The following SHANK2 variants were observed in gnomAD, a reference collection of about 807,000 sequenced individuals.
SHANK2 encodes SH3 and multiple ankyrin repeat domains 2.
Under a neutral mutation model 133.7 loss-of-function variants are expected in SHANK2, and 43 were observed. The observed-to-expected ratio is 0.32, with a 90% CI of 0.25 to 0.41. The LOEUF is 0.41. Among genes scored for constraint, SHANK2 ranks in the 10% least tolerant of loss-of-function variants. SHANK2 has a pLI of 1.00. For synonymous variants in SHANK2, 1,017 were observed against 952.8 expected (o/e 1.07, Z -1.24); for missense variants, 1,994 against 2,235.8 (o/e 0.89, Z 2.18).
At chr11:70,926,067 G>GT (rs1462644179) in intron 10 of SHANK2, among the ~76,000 whole-genome samples, 2 of 152,082 alleles carry the variant, frequency 1.3e-5, no homozygotes, top group Non-Finnish European at 2.9e-5. Context: ...GAACCCAGGA[G>GT]TTTGAGACCA....
At position 70,805,016 on chromosome 11, in the gene SHANK2, G is replaced by A. The variant is rs2010943; in HGVS notation, c.1663+1986C>T. Among the ~76,000 whole-genome samples, 1,374 of 152,326 alleles carry A rather than the reference G, an allele frequency of 9.0e-3. 14 individuals are homozygous for A. Among genetic ancestry groups the A allele is most frequent in the African/African-American group, 0.031 (1,297 of 41,566 alleles). On this transcript the variant is annotated intron_variant, in intron 13 of 25. Transcript: ENST00000601538. ...TGCCAAGTTCACAGCATGGGAGCCTGTCTGCAGCTCTGCCCCTCTCGGAGC... is the reference window on the plus strand; with the variant it reads ...TGCCAAGTTCACAGCATGGGAGCCTATCTGCAGCTCTGCCCCTCTCGGAGC...
At chr11:70,612,065 C>T (rs977330594) in intron 17 of SHANK2, among the ~76,000 whole-genome samples, 9 of 152,090 alleles carry the variant, frequency 5.9e-5, no homozygotes, top group Admixed American at 2.0e-4. Context: ...GGCGTCCGGG[C>T]GTGACACAGG....
At chr11:70,944,393 C>T (rs1555084997) in intron 10 of SHANK2, among the ~76,000 whole-genome samples, 1 of 152,214 alleles carries the variant, frequency 6.6e-6, no homozygotes, top group Non-Finnish European at 1.5e-5. Flanking sequence ...TCCCCTGGCT[C>T]ACTCCCTCTC....
At chr11:71,241,583 C>A (rs568785288) in intron 1 of SHANK2, among the ~76,000 whole-genome samples, 2 of 152,250 alleles carry the variant, frequency 1.3e-5, no homozygotes, top group African/African-American at 2.4e-5. Context: ...CACTCTCCCC[C>A]CTGCTACTGT....
intron 11 of SHANK2, among the ~76,000 whole-genome samples, chr11:70,857,080 G>A (rs782627290): frequency 5.9e-5 from 9 of 152,240 alleles, no homozygotes; most frequent in Non-Finnish European, 1.0e-4. Context: ...GAGGGATTAA[G>A]CAAACATTTC....
chr11:70,691,863 C>T (rs1945295940), intron 15 of SHANK2, among the ~76,000 whole-genome samples: 1 of 152,100 alleles, frequency 6.6e-6, no homozygotes, highest in African/African-American at 2.4e-5. Context: ...CATTGCACTC[C>T]AGCCTGGGCA....
intron 15 of SHANK2, 74 bp downstream of exon 15, chr11:70,698,614 T>C (rs1272253762): frequency 1.4e-6 from 1 of 717,230 alleles, no homozygotes; most frequent in East Asian, 2.7e-5. Context: ...GCATGCAAGA[T>C]GGTCCAAAGC....
intron 17 of SHANK2, among the ~76,000 whole-genome samples, chr11:70,525,534 G>A (rs2059384566): frequency 6.6e-6 from 1 of 152,098 alleles, no homozygotes; most frequent in South Asian, 2.1e-4. Context: ...AGAGAAAAGG[G>A]CATTTGGAAA....
chr11:70,564,683 CT>C (rs202232477), intron 17 of SHANK2, among the ~76,000 whole-genome samples: 3 of 151,372 alleles, frequency 2.0e-5, no homozygotes, highest in Non-Finnish European at 4.4e-5. Context: ...AAAAAGAATT[CT>C]TTTTTTTTCT....
Position 70,468,986 on chromosome 11 carries a change from C to G in SHANK2, c.*3883G>C, listed in dbSNP as rs2058565653. 6.6e-6 allele frequency: 1 copy of G among 152,272 alleles called. No individual in the cohort carries two copies. The highest frequency in any genetic ancestry group is 2.4e-5 in the African/African-American group (1 of 41,460). The allele number at this position is 152,272 out of a possible 1,614,324, so 9.4% of individuals were successfully genotyped here. A position where few individuals can be genotyped will look rare whatever the true frequency, so the allele number is the denominator to read the frequency against. ...CCTTAGCATGTGGTTTGCTTGTCAA[C>G]CAGAGAGGCGGCCCAGTTCTGCCAC... is the stretch of plus-strand genomic sequence containing the variant. On this transcript the variant is annotated 3_prime_UTR_variant, in exon 26 of 26. Coordinates refer to ENST00000601538, the MANE Select transcript of SHANK2 (RefSeq NM_012309.5).
intron 8 of SHANK2, among the ~76,000 whole-genome samples, chr11:71,076,252 G>T (rs1420386393): frequency 6.6e-6 from 1 of 152,126 alleles, no homozygotes; most frequent in Non-Finnish European, 1.5e-5. Context: ...TCCCAGGGTC[G>T]GGAGGGAAAG....
intron 17 of SHANK2, among the ~76,000 whole-genome samples, chr11:70,588,409 T>C (rs1554987306): frequency 6.6e-6 from 1 of 152,220 alleles, no homozygotes; most frequent in Non-Finnish European, 1.5e-5. Flanking sequence ...TTAGCCAAGC[T>C]GTGAATACAA....
At chr11:71,064,020 C>T (rs909057227) in intron 9 of SHANK2, among the ~76,000 whole-genome samples, 5 of 151,692 alleles carry the variant, frequency 3.3e-5, no homozygotes, top group Non-Finnish European at 7.4e-5. Flanking sequence ...CCATCATTTC[C>T]ATTTACATAT....
At chr11:70,507,657 G>C (rs1554968634) in intron 17 of SHANK2, among the ~76,000 whole-genome samples, 1 of 152,172 alleles carries the variant, frequency 6.6e-6, no homozygotes. Context: ...TGCAGGCCCA[G>C]TGGACAGACA....
rs569466691 is a variant in SHANK2 at position 70,821,169 on chromosome 11, G to T, written c.1175-487C>A. ...CAGTTTTCAAAATGTGCCAATATTT[G>T]CAGGTAAGGTCTTTACAGAGATCAT... On this transcript the variant is annotated intron_variant, in intron 11 of 25. Transcript: ENST00000601538. Among the ~76,000 whole-genome samples, 3 of 152,292 alleles carry T rather than the reference G, an allele frequency of 2.0e-5. No homozygotes were observed. In the South Asian group the frequency reaches 6.2e-4, roughly 32 times the overall value.
In SHANK2 at chr11:70,473,589, A is replaced by G. The variant is rs1437981249; in HGVS notation, c.4980-150T>C. ...ACTGGCAGTGAACGAATGATTTGCC[A>G]TGCCAGGGTGGGGGAGGGGGAGAAA... On this transcript the variant is annotated intron_variant, in intron 25 of 25. Transcript: ENST00000601538. This position sits in a 1 kb window ranked among gnomAD's most constrained non-coding sequence, Gnocchi z 5.9. The G allele has an allele frequency of 4.4e-5, 29 of 661,952 alleles. No homozygotes were observed. In the Admixed American group the frequency reaches 6.1e-4, roughly 14 times the overall value. 41.0% of individuals were successfully genotyped at this position (661,952 alleles called of 1,614,324 possible). A position where few individuals can be genotyped will look rare whatever the true frequency, so the allele number is the denominator to read the frequency against.
intron 14 of SHANK2, among the ~76,000 whole-genome samples, chr11:70,719,758 C>T (rs1946036068): frequency 6.6e-6 from 1 of 151,380 alleles, no homozygotes; most frequent in African/African-American, 2.4e-5. Flanking sequence ...CGCTCCCCTG[C>T]TCCAGCATTT....
At chr11:71,065,616 A>G (rs1158914002) in intron 9 of SHANK2, among the ~76,000 whole-genome samples, 27,617 of 55,352 alleles carry the variant, frequency 0.5, 4,666 homozygotes, top group African/African-American at 0.58. Flanking sequence ...GGGACGTTGC[A>G]GGGGGGTGTG....
In SHANK2 at chr11:70,876,609, ACG is replaced by A. The variant is rs5792542; in HGVS notation, c.1174+19890_1174+19891del. Among the ~76,000 whole-genome samples the A allele has an allele frequency of 2.3e-3, 354 of 150,824 alleles. 2 individuals carry two copies. Among genetic ancestry groups the A allele is most frequent in the African/African-American group, 8.2e-3 (332 of 40,416 alleles). On this transcript the variant is annotated intron_variant, in intron 11 of 25. Coordinates refer to ENST00000601538, the MANE Select transcript of SHANK2 (RefSeq NM_012309.5). Reference sequence around the variant, plus strand: ...ATTATACACACACACACACACACACACGCACACACACACATGCATACACATGC... The same window carrying A: ...ATTATACACACACACACACACACACACACACACACACATGCATACACATGC...
Sources: gnomAD v4.1 joint callset for allele counts (sites outside exome capture counted in the v4.1 genomes callset) on GRCh38, gnomAD v4.1.1 for gene constraint, Gnocchi (gnomAD v3.1) non-coding constraint, MANE v1.5 for transcripts, NCBI Gene and HGNC (gene_info 2026-07-23, HGNC 2026-07-21) for gene names.